TTPA: variants seen among roughly 807,000 people sequenced by gnomAD.
TTPA encodes alpha tocopherol transfer protein.
TTPA carries 23 observed loss-of-function variants against 25.9 expected under a neutral mutation model. The observed-to-expected ratio is 0.89, with a 90% CI of 0.64 to 1.26. TTPA has a LOEUF of 1.26. Among genes scored for constraint, TTPA ranks in the 50% most tolerant of loss-of-function variants. The pLI is 0.00. For synonymous variants in TTPA, 148 were observed against 137.3 expected, an observed-to-expected ratio of 1.08 and a Z score of -0.54; for missense variants, 337 against 353.1, an observed-to-expected ratio of 0.95 and a Z score of 0.37.
intron 1 of TTPA, among the ~76,000 whole-genome samples, chr8:63,077,761 T>A (rs1563364618): frequency 6.6e-6 from 1 of 152,214 alleles, no homozygotes; most frequent in Non-Finnish European, 1.5e-5. Context: ...AGCAGACAGC[T>A]TCTGCAGACT....
chr8:63,061,605 G>T (rs1258502812), intron 4 of TTPA, among the ~76,000 whole-genome samples, 180 bp from the exon 5 acceptor site: 1 of 152,126 alleles, frequency 6.6e-6, no homozygotes, highest in Non-Finnish European at 1.5e-5. Flanking sequence ...TTGTATTACT[G>T]TGGATCTAAT....
downstream of TTPA, among the ~76,000 whole-genome samples, chr8:63,059,034 T>TTTTGTTTTTTTGTTTTG (rs1805250162): frequency 8.0e-6 from 1 of 125,442 alleles, no homozygotes; most frequent in African/African-American, 3.2e-5. Flanking sequence ...TTTTTTTTTT[T>TTTTGTTTTTTTGTTTTG]TTTTTTTTTT....
chr8:63,073,125 A>T, intron 1 of TTPA, 37 bp from the exon 2 acceptor site: 1 of 1,521,784 alleles, frequency 6.6e-7, no homozygotes, highest in Non-Finnish European at 9.0e-7. Flanking sequence ...CAAATGGCAT[A>T]CATGGTAATG....
intron 1 of TTPA, among the ~76,000 whole-genome samples, chr8:63,081,399 T>A (rs912575722): frequency 7.2e-5 from 11 of 152,172 alleles, no homozygotes; most frequent in African/African-American, 2.4e-4. Context: ...ACCACATGAT[T>A]ATCTCAATAG....
intron 4 of TTPA, among the ~76,000 whole-genome samples, chr8:63,062,001 AAC>A (rs1805314020): frequency 1.3e-5 from 2 of 152,048 alleles, no homozygotes; most frequent in Admixed American, 1.3e-4. Context: ...TCAGGAGTTC[AAC>A]ACCAGCCTGG....
chr8:63,069,552 A>G (rs556647384), intron 2 of TTPA, among the ~76,000 whole-genome samples: 8 of 152,082 alleles, frequency 5.3e-5, no homozygotes, highest in Admixed American at 3.9e-4. Context: ...ACATAGTGAG[A>G]ATGCATCTCT....
chr8:63,069,417 G>A (rs1166232501), intron 2 of TTPA, among the ~76,000 whole-genome samples: 1 of 152,030 alleles, frequency 6.6e-6, no homozygotes, highest in East Asian at 1.9e-4. Flanking sequence ...GCCATGTGTG[G>A]TCATTCAAAT....
intron 1 of TTPA, among the ~76,000 whole-genome samples, chr8:63,075,850 C>T (rs1480115177): frequency 1.3e-5 from 2 of 151,820 alleles, no homozygotes; most frequent in Non-Finnish European, 2.9e-5. Context: ...GAGAAATTAG[C>T]AGGGAGAATC....
chr8:63,076,443 G>T lies in TTPA; in HGVS notation c.205-3355C>A, dbSNP rs73270570. On this transcript the variant is annotated intron_variant, in intron 1 of 4. Coordinates refer to ENST00000260116, the MANE Select transcript of TTPA (RefSeq NM_000370.3). The stretch of plus-strand genomic sequence containing the variant: ...GCAGAGGAAAATGAAAAAAAGTTTT[G>T]CACTCTTACCCTTTCCTTTTCCTTT... Among the ~76,000 whole-genome samples the T allele has an allele frequency of 5.0e-3, 764 of 152,216 alleles. 8 individuals are homozygous for T. Among genetic ancestry groups the T allele is most frequent in the African/African-American group, 0.017 (725 of 41,532 alleles).
chr8:63,083,114 T>C (rs1805689927), intron 1 of TTPA, among the ~76,000 whole-genome samples: 1 of 152,216 alleles, frequency 6.6e-6, no homozygotes, highest in Non-Finnish European at 1.5e-5. Flanking sequence ...AAATACCATT[T>C]GACCCAGCAA....
At chr8:63,068,291 G>C (rs1805428728) in intron 2 of TTPA, among the ~76,000 whole-genome samples, 1 of 152,284 alleles carries the variant, frequency 6.6e-6, no homozygotes. Context: ...GAGTTTAAAG[G>C]ATGAGTAGAA....
chr8:63,072,896 G>C (rs746001498), intron 2 of TTPA, 39 bp downstream of exon 2: 14 of 1,611,730 alleles, frequency 8.7e-6, no homozygotes, highest in Non-Finnish European at 1.2e-5. Flanking sequence ...AACTGAACTG[G>C]AGGAGAGGAG....
At chr8:63,065,476 C>T (rs1452868127) in intron 3 of TTPA, among the ~76,000 whole-genome samples, 1 of 151,808 alleles carries the variant, frequency 6.6e-6, no homozygotes, top group Non-Finnish European at 1.5e-5. Context: ...GCTAGTTTCC[C>T]AGAAATAGAA....
Position 63,077,204 on chromosome 8 carries a change from G to A in TTPA, c.205-4116C>T, listed in dbSNP as rs140430406. 2.2e-4 allele frequency among the ~76,000 whole-genome samples: 34 copies of A among 152,252 alleles called. No homozygotes were observed. The East Asian group carries it at 3.1e-3, about 14-fold the overall frequency. ...AAATGGGATCCATTCCAAGATGGCCGAATAGGAACAGCTCCAGTCTGCAAC... is the reference window on the plus strand; with the variant it reads ...AAATGGGATCCATTCCAAGATGGCCAAATAGGAACAGCTCCAGTCTGCAAC... On this transcript the variant is annotated intron_variant, in intron 1 of 4. Transcript: ENST00000260116.
chr8:63,059,063 GCT>G (rs1805253521), downstream of TTPA, among the ~76,000 whole-genome samples: 2 of 96,874 alleles, frequency 2.1e-5, no homozygotes, highest in African/African-American at 9.2e-5. Flanking sequence ...ACGGAGTCTC[GCT>G]CTGTCACCCA....
intron 1 of TTPA, among the ~76,000 whole-genome samples, chr8:63,076,732 C>T (rs947186744): frequency 6.6e-6 from 1 of 152,046 alleles, no homozygotes; most frequent in African/African-American, 2.4e-5. Flanking sequence ...TATCTCTATA[C>T]ATATATATGT....
At chr8:63,071,520 C>T (rs1011984238) in intron 2 of TTPA, among the ~76,000 whole-genome samples, 1 of 152,128 alleles carries the variant, frequency 6.6e-6, no homozygotes, top group Admixed American at 6.6e-5. Context: ...TCTCCTGTGC[C>T]GGCCATTTTT....
rs773895915 is a variant in TTPA, at chr8:63,085,834, A to G, written c.188T>C (p.Leu63Pro). Residue 63 changes from leucine to proline, a missense_variant, in exon 1 of 5, where the codon CTG (leucine) becomes CCG (proline). Leu to Pro is a moderately conservative substitution (Grantham distance 98). Coordinates refer to ENST00000260116, the MANE Select transcript of TTPA (RefSeq NM_000370.3). ...CACGCTTACCCGCCAGGCCAGGTCCAGATCGAAATCCCGGGCGCGCAGGAA... is the reference window on the plus strand; with the variant it reads ...CACGCTTACCCGCCAGGCCAGGTCCGGATCGAAATCCCGGGCGCGCAGGAA... Reference protein sequence around the residue: ...LRFLRARDFDLDLAWRLLKNY... With the variant: ...LRFLRARDFDPDLAWRLLKNY... The G allele has an allele frequency of 1.3e-6, 2 of 1,536,696 alleles. No homozygotes were observed. The highest frequency in any genetic ancestry group is 1.2e-5 in the South Asian group (1 of 83,692).
At chr8:63,083,813 C>T (rs918772064) in intron 1 of TTPA, among the ~76,000 whole-genome samples, 3 of 151,436 alleles carry the variant, frequency 2.0e-5, no homozygotes, top group African/African-American at 7.3e-5. Flanking sequence ...TTTGATAATA[C>T]AGTGTGGGTT....
Sources: gnomAD v4.1 joint callset for allele counts (sites outside exome capture counted in the v4.1 genomes callset) on GRCh38, gnomAD v4.1.1 for gene constraint, MANE v1.5 for transcripts, NCBI Gene and HGNC (gene_info 2026-07-23, HGNC 2026-07-21) for gene names.